GRIA4: variants seen among roughly 807,000 people sequenced by gnomAD.
The protein encoded by GRIA4 is glutamate receptor 4.
Under a neutral mutation model 104.0 loss-of-function variants are expected in GRIA4, and 34 were observed. The observed-to-expected ratio is 0.33, with a 90% CI of 0.25 to 0.44. The LOEUF (loss-of-function observed/expected upper bound fraction) is 0.44, where lower values mean the gene tolerates loss of function less well. Among genes scored for constraint, GRIA4 ranks in the 20% least tolerant of loss-of-function variants. The pLI, the probability that GRIA4 is intolerant of heterozygous loss-of-function variation, is 1.00. For missense variants in GRIA4, 750 were observed against 1,096.5 expected (o/e 0.68, Z 4.46); for synonymous variants, 386 against 381.9 (o/e 1.01, Z -0.13).
chr11:105,721,989 A>G (rs1447723362), intron 3 of GRIA4, among the ~76,000 whole-genome samples: 1 of 152,214 alleles, frequency 6.6e-6, no homozygotes, highest in African/African-American at 2.4e-5. Context: ...AAGAATATAT[A>G]TAAATCATAT....
intron 14 of GRIA4, among the ~76,000 whole-genome samples, chr11:105,952,916 G>A (rs951518371): frequency 4.1e-4 from 62 of 152,080 alleles, no homozygotes; most frequent in African/African-American, 1.5e-3. Flanking sequence ...CATCGCATAG[G>A]CAAACTGGAG....
At chr11:105,799,915 C>T (rs900562153) in intron 4 of GRIA4, among the ~76,000 whole-genome samples, 3 of 152,038 alleles carry the variant, frequency 2.0e-5, no homozygotes, top group Admixed American at 6.6e-5. Context: ...GCTGTTAAGA[C>T]GTAGGCTCAG....
intron 3 of GRIA4, among the ~76,000 whole-genome samples, chr11:105,750,709 T>C (rs1939948075): frequency 6.6e-6 from 1 of 152,118 alleles, no homozygotes; most frequent in Admixed American, 6.5e-5. Flanking sequence ...TATAGTACAA[T>C]TGTTGTTTTT....
intron 14 of GRIA4, among the ~76,000 whole-genome samples, chr11:105,941,770 T>A (rs538878462): frequency 6.6e-6 from 1 of 152,268 alleles, no homozygotes; most frequent in East Asian, 1.9e-4. Context: ...CTTTCTGTTG[T>A]TGCTTCACTA....
chr11:105,715,308 T>C (rs1041943143), intron 3 of GRIA4, among the ~76,000 whole-genome samples: 3 of 152,212 alleles, frequency 2.0e-5, no homozygotes, highest in African/African-American at 7.2e-5. Context: ...CTTCCCTATA[T>C]TAAGTCTTAT....
intron 3 of GRIA4, among the ~76,000 whole-genome samples, chr11:105,620,945 G>C (rs1488980484): frequency 2.6e-5 from 4 of 151,614 alleles, no homozygotes; most frequent in Non-Finnish European, 5.9e-5. Context: ...AATAAATAGG[G>C]TGATGACTGT....
intron 3 of GRIA4, among the ~76,000 whole-genome samples, chr11:105,716,437 A>C (rs771191040): frequency 6.6e-6 from 1 of 152,178 alleles, no homozygotes; most frequent in Admixed American, 6.6e-5. Context: ...TTAAATGATA[A>C]TACAGTGGTT....
At chr11:105,735,173 TA>T (rs1938855048) in intron 3 of GRIA4, among the ~76,000 whole-genome samples, 1 of 151,948 alleles carries the variant, frequency 6.6e-6, no homozygotes, top group African/African-American at 2.4e-5. Flanking sequence ...GCTTTCAGAT[TA>T]AACCCTTAGA....
chr11:105,918,457 A>G (rs753625830), intron 10 of GRIA4, among the ~76,000 whole-genome samples: 4 of 152,118 alleles, frequency 2.6e-5, no homozygotes, highest in African/African-American at 4.8e-5. Flanking sequence ...CCACAGTCAT[A>G]GTGCTAGGTT....
chr11:105,879,294 T>A (rs1483031411), intron 5 of GRIA4, among the ~76,000 whole-genome samples: 4 of 152,170 alleles, frequency 2.6e-5, no homozygotes, highest in African/African-American at 9.7e-5. Context: ...GCCTTCTGCA[T>A]TGATCTCGAT....
At chr11:105,669,330 A>G (rs1952284619) in intron 3 of GRIA4, among the ~76,000 whole-genome samples, 1 of 152,090 alleles carries the variant, frequency 6.6e-6, no homozygotes, top group Non-Finnish European at 1.5e-5. Context: ...AAATGTGTAT[A>G]TATAGAAATA....
intron 5 of GRIA4, among the ~76,000 whole-genome samples, chr11:105,873,046 G>A (rs775936627): frequency 1.3e-5 from 2 of 151,984 alleles, no homozygotes; most frequent in South Asian, 4.1e-4. Context: ...TCTACATTAG[G>A]TATTTCTTCT....
chr11:105,702,910 G>T (rs558112216), intron 3 of GRIA4, among the ~76,000 whole-genome samples: 110 of 151,872 alleles, frequency 7.2e-4, no homozygotes, highest in African/African-American at 2.6e-3. Context: ...GGCCAGACTG[G>T]GCTGGAACTC....
At position 105,627,156 on chromosome 11, in the gene GRIA4, C is replaced by T. The variant is rs544247870; in HGVS notation, c.247+14722C>T. The stretch of plus-strand genomic sequence containing the variant: ...GACAATCTGCTTAGTCTTTGAAAGA[C>T]GCATGAGATTCTGCTATACTCTAAA... On this transcript the variant is annotated intron_variant, in intron 3 of 16. Coordinates refer to ENST00000282499, the MANE Select transcript of GRIA4 (RefSeq NM_000829.4). Among the ~76,000 whole-genome samples, 4 of 152,166 alleles carry T rather than the reference C, an allele frequency of 2.6e-5. No individual in the cohort carries two copies. The South Asian group carries it at 8.3e-4, about 32-fold the overall frequency.
rs1944574823 is a variant in GRIA4, at chr11:105,845,879, A to C, written c.488-16145A>C. Reference sequence around the variant, plus strand: ...GCACTCCAGCCTGGGCGACAGAGAGAGACTCCGTCTCAAAACAAACAAACA... The same window carrying C: ...GCACTCCAGCCTGGGCGACAGAGAGCGACTCCGTCTCAAAACAAACAAACA... On this transcript the variant is annotated intron_variant, in intron 4 of 16. Coordinates refer to ENST00000282499, the MANE Select transcript of GRIA4 (RefSeq NM_000829.4). Among the ~76,000 whole-genome samples, 3 of 152,246 alleles carry C rather than the reference A, an allele frequency of 2.0e-5. No homozygotes were observed. In the South Asian group the frequency reaches 6.2e-4, roughly 32 times the overall value.
intron 3 of GRIA4, among the ~76,000 whole-genome samples, chr11:105,741,169 G>A (rs1939280404): frequency 1.3e-5 from 2 of 152,162 alleles, no homozygotes; most frequent in Non-Finnish European, 2.9e-5. Context: ...GTGGAAATAA[G>A]AGGAAGATAA....
intron 3 of GRIA4, among the ~76,000 whole-genome samples, chr11:105,681,174 A>G (rs1952698355): frequency 6.6e-6 from 1 of 152,194 alleles, no homozygotes; most frequent in Non-Finnish European, 1.5e-5. Flanking sequence ...AAGTAGTTGA[A>G]AACACTATTT....
Position 105,840,354 on chromosome 11 carries a change from AG to A in GRIA4, c.488-21668del, listed in dbSNP as rs146927905. ...AACCAATTTCTACCCACAATAAAGC[AG>A]GTAATATTGTCACCAAAACATTTAT... On this transcript the variant is annotated intron_variant, in intron 4 of 16. Transcript: ENST00000282499. 8.5e-3 allele frequency among the ~76,000 whole-genome samples: 1,301 copies of A among 152,334 alleles called. 26 individuals carry two copies. The highest frequency in any genetic ancestry group is 0.03 in the African/African-American group (1,230 of 41,572).
intron 6 of GRIA4, among the ~76,000 whole-genome samples, chr11:105,889,956 T>G (rs1005731712): frequency 6.6e-6 from 1 of 152,146 alleles, no homozygotes; most frequent in South Asian, 2.1e-4. Context: ...CTGCTATACT[T>G]AAACCAACTC....
Sources: allele counts gnomAD v4.1 joint callset (sites outside exome capture counted in the v4.1 genomes callset), GRCh38; gene constraint gnomAD v4.1.1; transcripts MANE v1.5; gene names NCBI Gene and HGNC (gene_info 2026-07-23, HGNC 2026-07-21).